The following SNCG variants were observed in gnomAD, a reference collection of about 807,000 sequenced individuals.
SNCG encodes the protein gamma-synuclein.
Under a neutral mutation model 16.0 loss-of-function variants are expected in SNCG, and 13 were observed. That is an observed-to-expected ratio of 0.81 (90% CI 0.53 to 1.29). SNCG has a LOEUF of 1.29. Ranked by LOEUF, SNCG falls within the 50% of genes most tolerant of loss-of-function variation. The probability of loss-of-function intolerance (pLI) is 0.00; values close to 1 mark genes in which losing one functional copy is unlikely to be tolerated. For synonymous variants in SNCG, 66 were observed against 66.3 expected (o/e 1.00, Z 0.02); for missense variants, 154 against 168.5 (o/e 0.91, Z 0.48).
chr10:86,955,844 A>T (rs755772164), upstream of SNCG, among the ~76,000 whole-genome samples: 1 of 152,224 alleles, frequency 6.6e-6, no homozygotes, highest in East Asian at 1.9e-4. Flanking sequence ...ACACCTGGGC[A>T]TTCCTGGGCC....
chr10:86,960,057 G>A lies in SNCG; in HGVS notation c.220G>A (p.Val74Ile), dbSNP rs144819543. The A allele has an allele frequency of 2.6e-4, 426 of 1,612,992 alleles. 1 individual carries two copies. The highest frequency in any genetic ancestry group is 3.3e-4 in the Non-Finnish European group (390 of 1,179,740). Residue 74 changes from valine (V) to isoleucine (I), a missense_variant, in exon 3 of 5, where the codon GTC (valine) becomes ATC (isoleucine). Transcript: ENST00000372017. ...CGTGAGCGAGGCTGTGGTGAGCAGC[G>A]TCAACACTGTGGCCACCAAGACCGT... ...NAVSEAVVSS[V>I]NTVATKTVEE... is the part of the protein sequence containing the mutation.
chr10:86,958,113 A>T (rs1182139184), upstream of SNCG: 28 of 984,318 alleles, frequency 2.8e-5, no homozygotes, highest in Non-Finnish European at 3.1e-5. Flanking sequence ...GTTTCATGGC[A>T]GCCCAGGGTC....
In SNCG at chr10:86,959,950, C is replaced by A. The variant is rs1194310283; in HGVS notation, c.164-51C>A. The A allele has an allele frequency of 1.9e-6, 3 of 1,556,504 alleles. No homozygotes were observed. Among genetic ancestry groups the A allele is most frequent in the Non-Finnish European group, 2.6e-6 (3 of 1,150,566 alleles). Reference sequence around the variant, plus strand: ...GGGCTGCGAGCCTGACTCCAGCAGGCCTGCCTTGGGGCTGGGGCTGGGGTG... The same window carrying A: ...GGGCTGCGAGCCTGACTCCAGCAGGACTGCCTTGGGGCTGGGGCTGGGGTG... On this transcript the variant is annotated intron_variant, in intron 2 of 4. Coordinates refer to ENST00000372017, the MANE Select transcript of SNCG (RefSeq NM_003087.3). The surrounding 1 kb of genome is among the most constrained non-coding windows in gnomAD (Gnocchi z 4.3).
In SNCG at chr10:86,959,659, C is replaced by T. The variant is rs1844306192; in HGVS notation, c.148C>T (p.Gln50Ter). The change falls in exon 2 of 5, where the codon CAG becomes TAG. Residue 50 changes from glutamine to a stop codon, truncating the protein, a stop_gained. Transcript: ENST00000372017. LOFTEE classifies it high-confidence loss of function. This position sits in a 1 kb window ranked among gnomAD's most constrained non-coding sequence, Gnocchi z 4.3. ...VGAKTKENVVQSVTSVAEKTK... is the reference protein window; with the variant it reads ...VGAKTKENVV ...AGCCAAGACCAAGGAGAATGTTGTA[C>T]AGAGCGTGACCTCAGGTGAGAAGCC... 11 of 1,612,276 alleles carry T rather than the reference C, an allele frequency of 6.8e-6. No individual in the cohort carries two copies. In the East Asian group the frequency reaches 1.6e-4, roughly 23 times the overall value.
chr10:86,959,581 GC>G lies in SNCG; in HGVS notation c.122-47del. 2 of 1,557,684 alleles carry G rather than the reference GC, an allele frequency of 1.3e-6. No individual in the cohort carries two copies. Among genetic ancestry groups the G allele is most frequent in the East Asian group, 2.2e-5 (1 of 44,474 alleles). On this transcript the variant is annotated intron_variant, in intron 1 of 4. Transcript: ENST00000372017. This position sits in a 1 kb window ranked among gnomAD's most constrained non-coding sequence, Gnocchi z 4.3. ...CTGTTCTGTTGTGTTTGTCCTGACC[GC>G]CCCCAACACCTCGAGGGAGGTCTGG... is the stretch of plus-strand genomic sequence containing the variant.
chr10:86,962,314 T>C (rs1305650704), intron 3 of SNCG, among the ~76,000 whole-genome samples: 4 of 152,078 alleles, frequency 2.6e-5, no homozygotes, highest in Non-Finnish European at 5.9e-5. Flanking sequence ...CCCACCCAGG[T>C]TCCTCATCAG....
upstream of SNCG, among the ~76,000 whole-genome samples, chr10:86,956,520 T>C (rs574372930): frequency 6.6e-6 from 1 of 152,234 alleles, no homozygotes; most frequent in Admixed American, 6.5e-5. Flanking sequence ...GGTAGGAGCA[T>C]CTGGGGGCTG....
Position 86,958,738 on chromosome 10 carries a change from G to T in SNCG, c.41G>T (p.Gly14Val). 1 of 1,614,070 alleles carries T rather than the reference G, an allele frequency of 6.2e-7. No homozygotes were observed. Among genetic ancestry groups the T allele is most frequent in the Non-Finnish European group, 8.5e-7 (1 of 1,179,982 alleles). Residue 14 changes from glycine (G) to valine (V), a missense_variant, in exon 1 of 5, where the codon GGC (glycine) becomes GTC (valine). Transcript: ENST00000372017. Reference protein sequence around the residue: ...FKKGFSIAKEGVVGAVEKTKQ... With the variant: ...FKKGFSIAKEVVVGAVEKTKQ... ...AAGGGCTTCTCCATCGCCAAGGAGG[G>T]CGTGGTGGGTGCGGTGGAAAAGACC...
intron 3 of SNCG, among the ~76,000 whole-genome samples, chr10:86,960,941 G>A (rs1290813657): frequency 5.6e-4 from 86 of 152,216 alleles, no homozygotes; most frequent in Non-Finnish European, 4.4e-5. Flanking sequence ...AAGGTCCCAT[G>A]GCTAGTTCAT....
At chr10:86,962,135 A>T (rs1844362368) in intron 3 of SNCG, among the ~76,000 whole-genome samples, 1 of 152,182 alleles carries the variant, frequency 6.6e-6, no homozygotes, top group Admixed American at 6.5e-5. Context: ...TCTGATGCCA[A>T]CACACCCCAC....
upstream of SNCG, chr10:86,958,497 T>TGCCAG: frequency 9.1e-6 from 10 of 1,097,956 alleles, no homozygotes; most frequent in African/African-American, 1.7e-5. Context: ...TGAACCTCCT[T>TGCCAG]CCCTCCCTCC....
At chr10:86,958,092 T>C (rs1589310613), upstream of SNCG, 1 of 849,430 alleles carries the variant, frequency 1.2e-6, no homozygotes, top group East Asian at 1.2e-4. Context: ...CCACCTCAGA[T>C]CCTCCAACCG....
rs949433807 is a variant in SNCG, at chr10:86,963,204, T to C, written c.*219T>C. 7 of 429,604 alleles carry C rather than the reference T, an allele frequency of 1.6e-5. No individual in the cohort carries two copies. The highest frequency in any genetic ancestry group is 4.0e-5 in the Admixed American group (1 of 24,982). 26.6% of individuals were successfully genotyped at this position (429,604 alleles called of 1,614,324 possible). ...CCTCTGGTCCTTCTGACCCCACTTATGCTGCTGTGAATTTTTTTTTTAAAT... is the reference window on the plus strand; with the variant it reads ...CCTCTGGTCCTTCTGACCCCACTTACGCTGCTGTGAATTTTTTTTTTAAAT... On this transcript the variant is annotated 3_prime_UTR_variant, in exon 5 of 5. Coordinates refer to ENST00000372017, the MANE Select transcript of SNCG (RefSeq NM_003087.3).
chr10:86,958,532 C>T, upstream of SNCG: 1 of 1,317,708 alleles, frequency 7.6e-7, no homozygotes, highest in Non-Finnish European at 9.8e-7. Flanking sequence ...CCACTGCACG[C>T]AGGGCTGGCT....
intron 4 of SNCG, 96 bp downstream of exon 4, chr10:86,962,771 C>G (rs972601404): frequency 5.0e-6 from 6 of 1,209,470 alleles, no homozygotes; most frequent in Non-Finnish European, 7.0e-6. Context: ...CTCCCAGGGC[C>G]CAGAGGGGCC....
chr10:86,956,191 C>G (rs1203884139), upstream of SNCG, among the ~76,000 whole-genome samples: 1 of 151,088 alleles, frequency 6.6e-6, no homozygotes, highest in African/African-American at 2.4e-5. Context: ...ACCTGCACCT[C>G]CCAGCCCTGA....
chr10:86,960,056 C>T lies in SNCG; in HGVS notation c.219C>T (p.Ser73=), dbSNP rs763771686. The change falls in exon 3 of 5, where the codon AGC becomes AGT. Residue 73 remains serine, a synonymous_variant. Transcript: ENST00000372017. ...CCGTGAGCGAGGCTGTGGTGAGCAG[C>T]GTCAACACTGTGGCCACCAAGACCG... The part of the protein sequence containing the change: ...ANAVSEAVVS[S]VNTVATKTVE... 6 of 1,612,760 alleles carry T rather than the reference C, an allele frequency of 3.7e-6. No individual in the cohort carries two copies. The highest frequency in any genetic ancestry group is 2.2e-5 in the East Asian group (1 of 44,870).
In SNCG at chr10:86,958,848, G is replaced by C. The variant is rs764700777; in HGVS notation, c.121+30G>C. 1.9e-6 allele frequency: 3 copies of C among 1,578,296 alleles called. No individual in the cohort carries two copies. In the Admixed American group the frequency reaches 5.2e-5, roughly 27 times the overall value. ...GTGGGGCATGGCAGGGTGGGACAGTGTGGTGGCCAAAGGGTGAGTGCCCAG... is the reference window on the plus strand; with the variant it reads ...GTGGGGCATGGCAGGGTGGGACAGTCTGGTGGCCAAAGGGTGAGTGCCCAG... On this transcript the variant is annotated intron_variant, in intron 1 of 4. Transcript: ENST00000372017.
At chr10:86,962,439 G>A (rs919647597) in intron 3 of SNCG, among the ~76,000 whole-genome samples, 165 bp from the exon 4 acceptor site, 15 of 152,096 alleles carry the variant, frequency 9.9e-5, no homozygotes, top group African/African-American at 3.6e-4. Context: ...CCCGGGTATT[G>A]TCTGAATTGC....
Sources: gnomAD v4.1 joint callset for allele counts (sites outside exome capture counted in the v4.1 genomes callset) on GRCh38, gnomAD v4.1.1 for gene constraint, Gnocchi (gnomAD v3.1) non-coding constraint, MANE v1.5 for transcripts, NCBI Gene and HGNC (gene_info 2026-07-23, HGNC 2026-07-21) for gene names.